The following CUL4B variants were observed in gnomAD, a reference collection of about 807,000 sequenced individuals.
The protein encoded by CUL4B is cullin-4B.
A neutral mutation model predicts 69.2 loss-of-function variants in CUL4B; 1 was observed. The ratio of observed to expected loss-of-function variants is 0.01; its 90% CI spans 0.01 to 0.07. The LOEUF is 0.07. CUL4B is among the 10% of genes least tolerant of loss of function. The probability of loss-of-function intolerance (pLI) is 1.00; values close to 1 mark genes in which losing one functional copy is unlikely to be tolerated. For missense variants in CUL4B, 328 were observed against 638.8 expected, an observed-to-expected ratio of 0.51 and a Z score of 5.24; for synonymous variants, 237 against 223.2, an observed-to-expected ratio of 1.06 and a Z score of -0.55.
chrX:120,566,317 G>T (rs1341974449), upstream of CUL4B, among the ~76,000 whole-genome samples: 3 of 82,419 alleles, frequency 3.6e-5, no homozygotes, highest in African/African-American at 1.3e-4. Context: ...ATAGATAACA[G>T]ATTTCATATG....
At chrX:120,548,054 C>T (rs1924440840) in intron 2 of CUL4B, among the ~76,000 whole-genome samples, 1 of 110,592 alleles carries the variant, frequency 9.0e-6, no homozygotes, top group South Asian at 3.9e-4. Context: ...TTCTGTAGTT[C>T]TGTCCCTCTA....
chrX:120,535,724 A>T lies in CUL4B; in HGVS notation c.2160+106T>A, dbSNP rs1602572469. ...TGTCTCAAAAAAAAAAAAAAAAAAAAAAAAGAAGAAAACAAAAAACAATAG... is the reference window on the plus strand; with the variant it reads ...TGTCTCAAAAAAAAAAAAAAAAAAATAAAAGAAGAAAACAAAAAACAATAG... On this transcript the variant is annotated intron_variant, in intron 16 of 19. Coordinates refer to ENST00000371322, the MANE Select transcript of CUL4B (RefSeq NM_001079872.2). 4 of 458,418 alleles carry T rather than the reference A, an allele frequency of 8.7e-6. No homozygotes were observed. The East Asian group carries it at 1.7e-4, about 19-fold the overall frequency. The allele number at this position is 458,418 out of a possible 1,213,427, so 37.8% of individuals were successfully genotyped here. A position where few individuals can be genotyped will look rare whatever the true frequency, so the allele number is the denominator to read the frequency against.
At chrX:120,558,988 C>T (rs1279007104) in intron 1 of CUL4B, among the ~76,000 whole-genome samples, 1 of 110,799 alleles carries the variant, frequency 9.0e-6, no homozygotes, top group Non-Finnish European at 1.9e-5. Context: ...AAACTGAGAG[C>T]CTGGGTATGG....
At chrX:120,536,834 A>G (rs1290446778) in intron 15 of CUL4B, 93 bp downstream of exon 15, 1 of 648,886 alleles carries the variant, frequency 1.5e-6, no homozygotes, top group African/African-American at 2.2e-5. Context: ...CTGGGTCTCT[A>G]TTTTTTTCTA....
At chrX:120,550,442 G>A (rs1473472904) in intron 2 of CUL4B, among the ~76,000 whole-genome samples, 5 of 111,886 alleles carry the variant, frequency 4.5e-5, no homozygotes, top group African/African-American at 1.3e-4. Flanking sequence ...ATGCTATGAT[G>A]AGGATAAGCA....
chrX:120,565,684 A>AC (rs1395435303), upstream of CUL4B, among the ~76,000 whole-genome samples: 2 of 97,923 alleles, frequency 2.0e-5, no homozygotes, highest in African/African-American at 7.3e-5. Flanking sequence ...AAAAAAAAAA[A>AC]AAAAAAAAAA....
chrX:120,544,587 T>C lies in CUL4B; in HGVS notation c.977A>G (p.Asn326Ser). 3 of 1,208,875 alleles carry C rather than the reference T, an allele frequency of 2.5e-6. No individual in the cohort carries two copies. The change falls in exon 6 of 20, where the codon AAT becomes AGT. Residue 326 changes from asparagine to serine, a missense_variant. By Grantham distance (46) the Asn-to-Ser change is conservative. Around this residue, in one of 4 missense-constraint regions of CUL4B, gnomAD observed 126 missense variants for 202.5 expected, o/e 0.62. Coordinates refer to ENST00000371322, the MANE Select transcript of CUL4B (RefSeq NM_001079872.2). The stretch of plus-strand genomic sequence containing the variant: ...GAGAAGAATGCCATCAATTGTCTTA[T>C]TCTGCACTTTCTGATCACTTATAAT... ...AHIISDQKVQ[N>S]KTIDGILLLI...
At chrX:120,548,411 A>G (rs1924466420) in intron 2 of CUL4B, among the ~76,000 whole-genome samples, 2 of 112,500 alleles carry the variant, frequency 1.8e-5, no homozygotes, top group Non-Finnish European at 3.8e-5. Context: ...ATTAAAATTT[A>G]CTTAAACGTT....
chrX:120,549,705 CT>C (rs1415487788), intron 2 of CUL4B, among the ~76,000 whole-genome samples: 2 of 111,674 alleles, frequency 1.8e-5, no homozygotes, highest in African/African-American at 3.3e-5. Flanking sequence ...GGCCTGCCCA[CT>C]TTTCACGTGA....
intron 18 of CUL4B, among the ~76,000 whole-genome samples, chrX:120,531,112 AG>A (rs1490899357): frequency 2.7e-5 from 3 of 110,779 alleles, no homozygotes; most frequent in Non-Finnish European, 5.7e-5. Flanking sequence ...TCATGAGGTC[AG>A]GAGTTCAAGA....
At chrX:120,556,911 A>T (rs868699297) in intron 2 of CUL4B, among the ~76,000 whole-genome samples, 10 of 69,961 alleles carry the variant, frequency 1.4e-4, no homozygotes, top group African/African-American at 6.1e-4. Context: ...AAGTATATAT[A>T]TATTTTTTTT....
chrX:120,545,359 A>C, intron 5 of CUL4B, 85 bp downstream of exon 5: 1 of 666,116 alleles, frequency 1.5e-6, no homozygotes, highest in Non-Finnish European at 2.4e-6. Flanking sequence ...GAATATTCAC[A>C]GTATAGCTTA....
rs192730180 is a variant in CUL4B at position 120,549,357 on chromosome X, C to G, written c.673-2118G>C. ...TCATGAGGTCTGGAGTTCGAGACCA[C>G]TCTGACCAACATAGTGAAACCCTGT... On this transcript the variant is annotated intron_variant, in intron 2 of 19. Transcript: ENST00000371322. Among the ~76,000 whole-genome samples the G allele has an allele frequency of 3.2e-3, 363 of 111,796 alleles. 1 individual carries two copies. The highest frequency in any genetic ancestry group is 0.011 in the African/African-American group (351 of 30,769).
chrX:120,546,528 A>G lies in CUL4B; in HGVS notation c.846+19T>C, dbSNP rs1327066364. The stretch of plus-strand genomic sequence containing the variant: ...TTAATACAATGTTTAGCCGAAATAC[A>G]ATACTTTTTCCAGCTTACCATTTGT... On this transcript the variant is annotated intron_variant, in intron 4 of 19. Transcript: ENST00000371322. The G allele has an allele frequency of 8.6e-6, 10 of 1,167,505 alleles. No homozygotes were observed. Among genetic ancestry groups the G allele is most frequent in the Non-Finnish European group, 9.3e-6 (8 of 856,833 alleles).
Position 120,544,493 on chromosome X carries a change from C to T in CUL4B, c.1071G>A (p.Leu357=), listed in dbSNP as rs985263401. Residue 357 remains leucine (L), a synonymous_variant, in exon 6 of 20, where the codon CTG becomes CTA. Coordinates refer to ENST00000371322, the MANE Select transcript of CUL4B (RefSeq NM_001079872.2). ...RSLLRSLLSM[L]SDLQIYQDSF... is the part of the protein sequence containing the mutation. ...GTAGTTAACTTACTTGCAAATCAGA[C>T]AGCATGCTTAAAAGGCTTCGAAGTA... 5.0e-6 allele frequency: 6 copies of T among 1,209,471 alleles called. No individual in the cohort carries two copies. In the East Asian group the frequency reaches 1.8e-4, roughly 36 times the overall value.
intron 19 of CUL4B, among the ~76,000 whole-genome samples, chrX:120,527,083 G>A (rs1357846778): frequency 2.9e-5 from 3 of 104,757 alleles, no homozygotes; most frequent in Admixed American, 2.1e-4. Context: ...TTTTTGAGAC[G>A]GAGTCTCGCT....
chrX:120,556,790 C>G (rs1337117710), intron 2 of CUL4B, among the ~76,000 whole-genome samples: 2 of 111,160 alleles, frequency 1.8e-5, no homozygotes, highest in Non-Finnish European at 3.8e-5. Context: ...TCCAGGTTTA[C>G]CCATCACCAT....
rs752363861 is a variant in CUL4B at position 120,547,149 on chromosome X, G to A, written c.763C>T (p.His255Tyr). The change falls in exon 3 of 20, where the codon CAT (histidine) becomes TAT (tyrosine). Residue 255 changes from histidine to tyrosine, a missense_variant. By Grantham distance (83) the His-to-Tyr change is moderately conservative. This residue lies in a region of CUL4B where 126 missense variants were observed against 202.5 expected (regional missense o/e 0.62). Coordinates refer to ENST00000371322, the MANE Select transcript of CUL4B (RefSeq NM_001079872.2). The stretch of plus-strand genomic sequence containing the variant: ...TAAAAAGGATATTCTCTGAATTGAT[G>A]AATCTGTGCTTTGATGTGATCTTCG... Reference protein sequence around the residue: ...ICEDHIKAQIHQFREDSLDSV... With the variant: ...ICEDHIKAQIYQFREDSLDSV... 6.7e-6 allele frequency: 8 copies of A among 1,194,973 alleles called. No homozygotes were observed. In the Middle Eastern group the frequency reaches 1.0e-3, roughly 150 times the overall value.
In CUL4B at chrX:120,544,650, T is replaced by C; in HGVS notation, c.921-7A>G. On this transcript the variant is annotated splice_polypyrimidine_tract_variant and splice_region_variant and intron_variant, in intron 5 of 19. Transcript: ENST00000371322. Reference sequence around the variant, plus strand: ...TAACTCCAGTCCCATGTCCCTAAAATAAAAAACACATATAACCTAAATTAA... The same window carrying C: ...TAACTCCAGTCCCATGTCCCTAAAACAAAAAACACATATAACCTAAATTAA... 1 of 1,192,841 alleles carries C rather than the reference T, an allele frequency of 8.4e-7. No individual in the cohort carries two copies. Among genetic ancestry groups the C allele is most frequent in the Non-Finnish European group, 1.1e-6 (1 of 879,156 alleles).
Sources: allele counts gnomAD v4.1 joint callset (sites outside exome capture counted in the v4.1 genomes callset), GRCh38; gene constraint gnomAD v4.1.1; regional missense constraint gnomAD v4.1.1; transcripts MANE v1.5; gene names NCBI Gene and HGNC (gene_info 2026-07-23, HGNC 2026-07-21).